SH3RF3: variants seen among roughly 807,000 people sequenced by gnomAD.
SH3RF3 encodes SH3 domain containing ring finger 3.
In SH3RF3, 29 loss-of-function variants were observed where a neutral mutation model predicts 66.3. That is an observed-to-expected ratio of 0.44 (90% CI 0.33 to 0.60). The LOEUF is 0.60. Ranked by LOEUF, SH3RF3 falls within the 20% of genes least tolerant of loss-of-function variation. The pLI is 0.04. For missense variants in SH3RF3, 1,194 were observed against 1,190.9 expected (o/e 1.00, Z -0.04); for synonymous variants, 583 against 532.0 (o/e 1.10, Z -1.32).
intron 8 of SH3RF3, among the ~76,000 whole-genome samples, chr2:109,473,950 C>T (rs1328758871): frequency 6.6e-6 from 1 of 152,178 alleles, no homozygotes; most frequent in Non-Finnish European, 1.5e-5. Context: ...CCCACAGGGG[C>T]AGAAAGTCTT....
At chr2:109,359,229 C>G (rs1335487715) in intron 2 of SH3RF3, among the ~76,000 whole-genome samples, 1 of 152,140 alleles carries the variant, frequency 6.6e-6, no homozygotes, top group African/African-American at 2.4e-5. Flanking sequence ...TTGTTCTTCT[C>G]CTTCAATATT....
At chr2:109,290,485 C>T (rs1681140600) in intron 1 of SH3RF3, among the ~76,000 whole-genome samples, 2 of 152,230 alleles carry the variant, frequency 1.3e-5, no homozygotes, top group South Asian at 4.1e-4. Flanking sequence ...TATTCTATAG[C>T]GCCCAACTTC....
At chr2:109,240,767 GTCCTTC>G (rs200873948) in intron 1 of SH3RF3, among the ~76,000 whole-genome samples, 1,602 of 151,056 alleles carry the variant, frequency 0.011, 13 homozygotes, top group South Asian at 0.024. Context: ...TCCTCCTGTC[GTCCTTC>G]TCCTCTCTAG....
At chr2:109,383,489 C>T (rs148968930) in intron 3 of SH3RF3, among the ~76,000 whole-genome samples, 331 of 152,334 alleles carry the variant, frequency 2.2e-3, no homozygotes, top group African/African-American at 7.3e-3. Flanking sequence ...TGTCTTCATG[C>T]TTCTCCTCCA....
intron 9 of SH3RF3, among the ~76,000 whole-genome samples, chr2:109,500,220 T>A (rs1167155969): frequency 6.6e-6 from 1 of 152,066 alleles, no homozygotes. Flanking sequence ...TTGTTCAAGT[T>A]GTTATAGGCA....
intron 6 of SH3RF3, among the ~76,000 whole-genome samples, chr2:109,434,446 T>C (rs1677341718): frequency 6.6e-6 from 1 of 152,236 alleles, no homozygotes; most frequent in Non-Finnish European, 1.5e-5. Context: ...GAAATCCAGC[T>C]TCCTTGCGTA....
chr2:109,190,426 G>A (rs1003729732), intron 1 of SH3RF3, among the ~76,000 whole-genome samples: 8 of 152,146 alleles, frequency 5.3e-5, no homozygotes, highest in Non-Finnish European at 7.4e-5. Flanking sequence ...CACCCGCCTC[G>A]GCCACCCAAA....
At chr2:109,187,899 G>T (rs1177929425) in intron 1 of SH3RF3, among the ~76,000 whole-genome samples, 1 of 152,176 alleles carries the variant, frequency 6.6e-6, no homozygotes, top group Admixed American at 6.5e-5. Context: ...TGGGTGTTAA[G>T]CCTGCCTGTG....
chr2:109,176,116 G>T (rs577987248), intron 1 of SH3RF3, among the ~76,000 whole-genome samples: 2 of 152,296 alleles, frequency 1.3e-5, no homozygotes, highest in East Asian at 3.9e-4. Context: ...TGCATTTCCT[G>T]GGTGTCTGCC....
intron 2 of SH3RF3, among the ~76,000 whole-genome samples, chr2:109,351,694 T>C (rs1682841848): frequency 6.6e-6 from 1 of 152,226 alleles, no homozygotes; most frequent in Admixed American, 6.5e-5. Flanking sequence ...GGAATCACTT[T>C]TGCACATGAC....
At chr2:109,457,088 C>T (rs62154203) in intron 8 of SH3RF3, among the ~76,000 whole-genome samples, 68 of 152,296 alleles carry the variant, frequency 4.5e-4, no homozygotes, top group African/African-American at 1.5e-3. Context: ...CCTTCCATGC[C>T]TCAGTTTCCA....
At chr2:109,327,328 C>A (rs755603889) in intron 1 of SH3RF3, among the ~76,000 whole-genome samples, 7 of 152,212 alleles carry the variant, frequency 4.6e-5, no homozygotes, top group Non-Finnish European at 8.8e-5. Context: ...TAAATCACAT[C>A]ATCTGCACAT....
intron 1 of SH3RF3, among the ~76,000 whole-genome samples, chr2:109,211,687 C>T (rs1678984412): frequency 6.6e-6 from 1 of 150,816 alleles, no homozygotes; most frequent in Non-Finnish European, 1.5e-5. Context: ...CTCTGTCACC[C>T]AGGGTGGAGT....
chr2:109,283,148 C>G (rs1055249550), intron 1 of SH3RF3, among the ~76,000 whole-genome samples: 1 of 152,198 alleles, frequency 6.6e-6, no homozygotes, highest in African/African-American at 2.4e-5. Flanking sequence ...GCCCAGGGTA[C>G]AGCCCAGAAA....
At chr2:109,462,796 A>G (rs1025793616) in intron 8 of SH3RF3, among the ~76,000 whole-genome samples, 2 of 152,114 alleles carry the variant, frequency 1.3e-5, no homozygotes, top group African/African-American at 4.8e-5. Context: ...CCATACTTGA[A>G]CTGTTGTGAG....
chr2:109,286,947 C>T (rs1256607932), intron 1 of SH3RF3, among the ~76,000 whole-genome samples: 1 of 152,196 alleles, frequency 6.6e-6, no homozygotes, highest in Non-Finnish European at 1.5e-5. Context: ...GTGGACCCTG[C>T]CCAGGTGGTT....
chr2:109,219,757 G>T (rs1342601865), intron 1 of SH3RF3, among the ~76,000 whole-genome samples: 1 of 152,206 alleles, frequency 6.6e-6, no homozygotes, highest in African/African-American at 2.4e-5. Flanking sequence ...TTGGCACACT[G>T]AAAACTACAA....
intron 8 of SH3RF3, among the ~76,000 whole-genome samples, chr2:109,475,989 T>G (rs1678672859): frequency 6.6e-6 from 1 of 152,234 alleles, no homozygotes; most frequent in Admixed American, 6.5e-5. Flanking sequence ...TGACTCTTCT[T>G]GCTCAGCTGA....
chr2:109,456,466 A>G (rs538100491), intron 8 of SH3RF3, among the ~76,000 whole-genome samples: 5 of 152,354 alleles, frequency 3.3e-5, no homozygotes, highest in Middle Eastern at 3.4e-3. Context: ...CACTGGTGAC[A>G]GGAGTGGCAA....
Sources: gnomAD v4.1 joint callset for allele counts (sites outside exome capture counted in the v4.1 genomes callset) on GRCh38, gnomAD v4.1.1 for gene constraint, MANE v1.5 for transcripts, NCBI Gene and HGNC (gene_info 2026-07-23, HGNC 2026-07-21) for gene names.